Variants in KHDRBS2 observed in about 807,000 individuals in gnomAD.
The protein encoded by KHDRBS2 is KH domain-containing, RNA-binding, signal transduction-associated protein 2.
KHDRBS2 carries 26 observed loss-of-function variants against 44.3 expected under a neutral mutation model. The ratio of observed to expected loss-of-function variants is 0.59; its 90% confidence interval spans 0.43 to 0.81. The LOEUF (loss-of-function observed/expected upper bound fraction) is 0.81, where lower values mean the gene tolerates loss of function less well. KHDRBS2 is among the 40% of genes least tolerant of loss of function. The pLI is 0.00. For synonymous variants in KHDRBS2, 194 were observed against 151.1 expected, an observed-to-expected ratio of 1.28 and a Z score of -2.08; for missense variants, 476 against 433.1, an observed-to-expected ratio of 1.10 and a Z score of -0.88.
At chr6:61,559,155 A>G in the KHDRBS2 span, among the ~76,000 whole-genome samples, 36 of 152,052 alleles carry the variant, frequency 2.4e-4, no homozygotes, top group African/African-American at 8.0e-4. Context: ...TTGATTTTTT[A>G]TCATTATATA....
chr6:61,672,242 T>A, the KHDRBS2 span, among the ~76,000 whole-genome samples: 1 of 151,680 alleles, frequency 6.6e-6, no homozygotes, highest in Non-Finnish European at 1.5e-5. Context: ...ATCCAGTCTA[T>A]CATTGTTGGA....
intron 6 of KHDRBS2, among the ~76,000 whole-genome samples, chr6:61,817,606 T>C (rs1789188517): frequency 6.6e-6 from 1 of 152,162 alleles, no homozygotes; most frequent in South Asian, 2.1e-4. Flanking sequence ...GAGAGAATTT[T>C]TAGTTCATAA....
At chr6:62,057,559 C>G (rs1259998699) in intron 2 of KHDRBS2, among the ~76,000 whole-genome samples, 1 of 151,888 alleles carries the variant, frequency 6.6e-6, no homozygotes, top group East Asian at 1.9e-4. Context: ...AGTTCACAGT[C>G]AGCAATTGGT....
At chr6:62,156,588 T>C (rs1189398748) in intron 2 of KHDRBS2, among the ~76,000 whole-genome samples, 1 of 152,216 alleles carries the variant, frequency 6.6e-6, no homozygotes, top group Non-Finnish European at 1.5e-5. Flanking sequence ...GTTACTAGAT[T>C]TTTTGTTGTT....
intron 4 of KHDRBS2, among the ~76,000 whole-genome samples, chr6:61,916,022 C>T (rs984091186): frequency 3.3e-5 from 5 of 151,960 alleles, no homozygotes; most frequent in Non-Finnish European, 5.9e-5. Flanking sequence ...ATGCATACCC[C>T]GATTCTTATT....
intron 2 of KHDRBS2, among the ~76,000 whole-genome samples, chr6:62,092,554 T>A (rs1799685152): frequency 6.6e-6 from 1 of 152,204 alleles, no homozygotes; most frequent in Admixed American, 6.5e-5. Context: ...GCAAAATGGA[T>A]ATTTCATGTT....
rs185729074 is a variant in KHDRBS2 at position 61,724,027 on chromosome 6, T to G, written c.893+8655A>C. 2.2e-3 allele frequency among the ~76,000 whole-genome samples: 341 copies of G among 151,964 alleles called. 2 individuals are homozygous for G. Among genetic ancestry groups the G allele is most frequent in the African/African-American group, 8.0e-3 (332 of 41,448 alleles). On this transcript the variant is annotated intron_variant, in intron 7 of 8. Transcript: ENST00000281156. The stretch of plus-strand genomic sequence containing the variant: ...CACATAATCATCAGATTTTCCAAGG[T>G]TGAAGTGAAAGAAAAGTAATTTAAG...
At chr6:61,615,248 A>AAAAAG in the KHDRBS2 span, among the ~76,000 whole-genome samples, 3 of 150,414 alleles carry the variant, frequency 2.0e-5, no homozygotes, top group African/African-American at 4.9e-5. Context: ...AAAAAAAAAA[A>AAAAAG]AAAGAAAGAA....
chr6:62,256,574 G>A (rs1837427361), intron 1 of KHDRBS2, among the ~76,000 whole-genome samples: 1 of 151,980 alleles, frequency 6.6e-6, no homozygotes, highest in South Asian at 2.1e-4. Context: ...CCCCAGACAC[G>A]TGGAACTGAG....
chr6:61,670,916 G>A, the KHDRBS2 span, among the ~76,000 whole-genome samples: 2 of 151,542 alleles, frequency 1.3e-5, no homozygotes, highest in Admixed American at 6.6e-5. Flanking sequence ...CATTGTAGGA[G>A]CTCTGTTGAA....
intron 6 of KHDRBS2, among the ~76,000 whole-genome samples, chr6:61,794,412 T>C (rs1582877068): frequency 6.6e-6 from 1 of 152,204 alleles, no homozygotes; most frequent in African/African-American, 2.4e-5. Context: ...CTAGTTTTTG[T>C]TTTCTATGGC....
At chr6:61,657,532 C>T in the KHDRBS2 span, among the ~76,000 whole-genome samples, 3,729 of 152,030 alleles carry the variant, frequency 0.025, 70 homozygotes, top group Middle Eastern at 0.082. Flanking sequence ...GTGATCTTTT[C>T]ACTGTGCCTT....
chr6:61,792,206 A>T (rs1784725420), intron 6 of KHDRBS2, among the ~76,000 whole-genome samples: 1 of 151,560 alleles, frequency 6.6e-6, no homozygotes, highest in Non-Finnish European at 1.5e-5. Context: ...CAACATTAGA[A>T]CATTGTAATT....
chr6:61,735,290 A>G (rs1353719465), intron 6 of KHDRBS2, among the ~76,000 whole-genome samples: 1 of 152,080 alleles, frequency 6.6e-6, no homozygotes, highest in Non-Finnish European at 1.5e-5. Flanking sequence ...CCATTTGCAA[A>G]TTAGTTCCAG....
intron 7 of KHDRBS2, among the ~76,000 whole-genome samples, chr6:61,718,411 G>A (rs772065880): frequency 6.6e-6 from 1 of 152,034 alleles, no homozygotes; most frequent in Non-Finnish European, 1.5e-5. Flanking sequence ...CAAGCAACTG[G>A]CACTAATATG....
intron 6 of KHDRBS2, among the ~76,000 whole-genome samples, chr6:61,794,352 C>G (rs1164885635): frequency 1.3e-5 from 2 of 152,264 alleles, no homozygotes; most frequent in East Asian, 3.9e-4. Flanking sequence ...GCAGCCCAGC[C>G]TAGCTCCAAA....
chr6:61,985,318 T>A (rs1774846106), intron 3 of KHDRBS2, among the ~76,000 whole-genome samples: 1 of 152,184 alleles, frequency 6.6e-6, no homozygotes, highest in South Asian at 2.1e-4. Flanking sequence ...CTCTGTGTAT[T>A]AAAACAAATA....
At chr6:61,588,114 C>T in the KHDRBS2 span, among the ~76,000 whole-genome samples, 1 of 152,120 alleles carries the variant, frequency 6.6e-6, no homozygotes. Flanking sequence ...AGTTGGGAGC[C>T]CTTAGTTCCA....
chr6:61,719,517 T>A (rs1772006588), intron 7 of KHDRBS2, among the ~76,000 whole-genome samples: 1 of 152,096 alleles, frequency 6.6e-6, no homozygotes, highest in South Asian at 2.1e-4. Context: ...TTGGTCCAAT[T>A]AAAGGTGTTA....
Sources: allele counts gnomAD v4.1 joint callset (sites outside exome capture counted in the v4.1 genomes callset), GRCh38; gene constraint gnomAD v4.1.1; transcripts MANE v1.5; gene names NCBI Gene and HGNC (gene_info 2026-07-23, HGNC 2026-07-21).